Variants in KIAA1755 observed in about 807,000 individuals in gnomAD.
KIAA1755 encodes the protein KIAA1755, also known as uncharacterized protein KIAA1755.
In KIAA1755, 68 loss-of-function variants were observed where a neutral mutation model predicts 91.7. The ratio of observed to expected loss-of-function variants is 0.74; its 90% CI spans 0.61 to 0.91. The LOEUF is 0.91. KIAA1755 is among the 40% of genes least tolerant of loss of function. The pLI is 0.00. For missense variants in KIAA1755, 1,535 were observed against 1,494.4 expected (o/e 1.03, Z -0.45); for synonymous variants, 610 against 604.6 (o/e 1.01, Z -0.13).
intron 5 of KIAA1755, among the ~76,000 whole-genome samples, chr20:38,229,074 G>A (rs1299218967): frequency 6.6e-6 from 1 of 152,198 alleles, no homozygotes; most frequent in African/African-American, 2.4e-5. Flanking sequence ...GTGGTTCCAA[G>A]CACCCTCGGC....
intron 1 of KIAA1755, among the ~76,000 whole-genome samples, chr20:38,258,583 G>A (rs1447032795): frequency 6.6e-6 from 1 of 152,188 alleles, no homozygotes; most frequent in African/African-American, 2.4e-5. Flanking sequence ...GGGAAATCAG[G>A]GAAGGCTTTC....
chr20:38,234,418 G>C (rs1230995380), intron 4 of KIAA1755, among the ~76,000 whole-genome samples: 3 of 152,196 alleles, frequency 2.0e-5, no homozygotes. Flanking sequence ...CTGCAAGACT[G>C]AGAGCCCTTA....
In KIAA1755 at chr20:38,223,552, G is replaced by T; in HGVS notation, c.2254C>A (p.Pro752Thr). The T allele has an allele frequency of 1.3e-6, 2 of 1,596,338 alleles. No homozygotes were observed. The highest frequency in any genetic ancestry group is 2.3e-5 in the South Asian group (2 of 88,138). Residue 752 changes from proline to threonine, a missense_variant, in exon 9 of 14, where the codon CCT becomes ACT. Coordinates refer to ENST00000279024, the MANE Select transcript of KIAA1755 (RefSeq NM_001029864.2). ...TCCAGGCTCACCTGCATCCCCCCAG[G>T]GGGGTCGGCCTTCTCGAATTCCTCG... is the stretch of plus-strand genomic sequence containing the variant. ...SIEEFEKADP[P>T]GGMQEATRCL...
Position 38,240,972 on chromosome 20 carries a change from G to C in KIAA1755, c.1159C>G (p.Leu387Val). The change falls in exon 3 of 14, where the codon CTC becomes GTC. Residue 387 changes from leucine to valine, a missense_variant. Transcript: ENST00000279024. The part of the protein sequence containing the change: ...LEDALDCASG[L>V]RAGVSQEPAA... ...GGCTCTTGTGAGACACCTGCCCTGAGACCAGAGGCACAGTCCAGTGCGTCC... is the reference window on the plus strand; with the variant it reads ...GGCTCTTGTGAGACACCTGCCCTGACACCAGAGGCACAGTCCAGTGCGTCC... 1.2e-6 allele frequency: 2 copies of C among 1,614,140 alleles called. No homozygotes were observed. The highest frequency in any genetic ancestry group is 1.7e-6 in the Non-Finnish European group (2 of 1,180,032).
chr20:38,227,316 A>C, intron 6 of KIAA1755, 76 bp from the exon 7 acceptor site: 1 of 1,140,402 alleles, frequency 8.8e-7, no homozygotes, highest in Non-Finnish European at 1.3e-6. Context: ...TTCCTCCTTC[A>C]TCCCCTGTAA....
At chr20:38,240,457 G>C (rs1331289538) in intron 3 of KIAA1755, 125 bp downstream of exon 3, 13 of 949,840 alleles carry the variant, frequency 1.4e-5, no homozygotes, top group Non-Finnish European at 1.9e-5. Flanking sequence ...ATGCCACACT[G>C]TATACTAAAC....
chr20:38,244,811 C>T (rs755611751), intron 2 of KIAA1755, among the ~76,000 whole-genome samples: 16 of 152,284 alleles, frequency 1.1e-4, no homozygotes, highest in Middle Eastern at 3.4e-3. Context: ...TGGGTTCAAG[C>T]GATTCTCCTG....
chr20:38,232,702 T>C (rs983424282), intron 4 of KIAA1755, among the ~76,000 whole-genome samples: 1 of 152,122 alleles, frequency 6.6e-6, no homozygotes, highest in Non-Finnish European at 1.5e-5. Context: ...CTTGATATTA[T>C]GGATTTGATC....
intron 13 of KIAA1755, 78 bp downstream of exon 13, chr20:38,217,175 G>T: frequency 1.5e-6 from 2 of 1,298,670 alleles, no homozygotes; most frequent in South Asian, 1.3e-5. Flanking sequence ...ATGGGGCTGT[G>T]TCTAGGTATC....
At chr20:38,250,506 G>GTC (rs1555830384) in intron 1 of KIAA1755, among the ~76,000 whole-genome samples, 244 of 144,836 alleles carry the variant, frequency 1.7e-3, no homozygotes, top group South Asian at 3.7e-3. Flanking sequence ...GTGTGTGTGT[G>GTC]TGTGTCTGTG....
chr20:38,226,723 A>C (rs2075763473), intron 7 of KIAA1755, among the ~76,000 whole-genome samples: 1 of 152,188 alleles, frequency 6.6e-6, no homozygotes, highest in Admixed American at 6.5e-5. Context: ...AGGGCGAGAA[A>C]TACAGGAAGA....
rs764445961 is a variant in KIAA1755 at position 38,213,537 on chromosome 20, C to A, written c.3108G>T (p.Glu1036Asp). 1 of 1,610,052 alleles carries A rather than the reference C, an allele frequency of 6.2e-7. No homozygotes were observed. The highest frequency in any genetic ancestry group is 8.5e-7 in the Non-Finnish European group (1 of 1,178,520). The change falls in exon 14 of 14, where the codon GAG (glutamate) becomes GAT (aspartate). Residue 1036 changes from glutamate (E) to aspartate (D), a missense_variant. By Grantham distance (45) the Glu-to-Asp change is conservative. Transcript: ENST00000279024. ...GGATCTCCTCATGCCTGATCCGGGCCTCCTCCCATAGCTCCTGGCCCAGGC... is the reference window on the plus strand; with the variant it reads ...GGATCTCCTCATGCCTGATCCGGGCATCCTCCCATAGCTCCTGGCCCAGGC... ...RAGLGQELWE[E>D]ARIRHEEIRM...
intron 12 of KIAA1755, chr20:38,217,810 A>T (rs2069399339): frequency 1.5e-5 from 7 of 460,922 alleles, no homozygotes; most frequent in Non-Finnish European, 2.7e-5. Context: ...ATTCTCCCTT[A>T]CTGTGCGCTT....
chr20:38,218,456 C>T, intron 11 of KIAA1755, 90 bp from the exon 12 acceptor site: 1 of 1,532,332 alleles, frequency 6.5e-7, no homozygotes, highest in Admixed American at 1.8e-5. Flanking sequence ...CTGAGGTCTT[C>T]TGTCTTCACT....
In KIAA1755 at chr20:38,220,375, C is replaced by T. The variant is rs143654000; in HGVS notation, c.2418-607G>A. 5.1e-3 allele frequency among the ~76,000 whole-genome samples: 747 copies of T among 146,822 alleles called. 5 individuals carry two copies. The highest frequency in any genetic ancestry group is 0.018 in the African/African-American group (709 of 39,378). On this transcript the variant is annotated intron_variant, in intron 10 of 13. Transcript: ENST00000279024. The stretch of plus-strand genomic sequence containing the variant: ...GGTCACCCAGGCTAGAGTGCAGTGG[C>T]GCGATCTCCATTCACTGCAACCTCT...
rs147015620 is a variant in KIAA1755 at position 38,256,534 on chromosome 20, G to A, written c.3+3964C>T. On this transcript the variant is annotated intron_variant, in intron 1 of 13. Transcript: ENST00000279024. ...AATCTATTTTTTGGCTGGGTGTGGC[G>A]ACTCATGCCTATAATCCCAGCACTT... Among the ~76,000 whole-genome samples, 615 of 152,188 alleles carry A rather than the reference G, an allele frequency of 4.0e-3. 8 individuals are homozygous for A. The highest frequency in any genetic ancestry group is 0.014 in the African/African-American group (590 of 41,516).
chr20:38,221,208 C>G (rs896117312), intron 10 of KIAA1755, among the ~76,000 whole-genome samples: 2 of 152,170 alleles, frequency 1.3e-5, no homozygotes, highest in East Asian at 3.9e-4. Context: ...ACGGGGACAG[C>G]CTAGGGGCTG....
At chr20:38,232,324 T>A (rs944383809) in intron 4 of KIAA1755, among the ~76,000 whole-genome samples, 2 of 151,998 alleles carry the variant, frequency 1.3e-5, no homozygotes, top group Non-Finnish European at 2.9e-5. Context: ...ATATAATTTT[T>A]AAAATAAAAA....
intron 3 of KIAA1755, 101 bp downstream of exon 3, chr20:38,240,481 C>T (rs1463570695): frequency 8.0e-7 from 1 of 1,245,592 alleles, no homozygotes; most frequent in Non-Finnish European, 1.1e-6. Context: ...TGAAGCTGAG[C>T]CAGCCCAGGT....
Sources: allele counts gnomAD v4.1 joint callset (sites outside exome capture counted in the v4.1 genomes callset), GRCh38; gene constraint gnomAD v4.1.1; transcripts MANE v1.5; gene names NCBI Gene and HGNC (gene_info 2026-07-23, HGNC 2026-07-21).